Variants in SLC4A8 observed in about 807,000 individuals in gnomAD.
SLC4A8 encodes the protein solute carrier family 4 member 8.
A neutral mutation model predicts 125.0 loss-of-function variants in SLC4A8; 40 were observed. The ratio of observed to expected loss-of-function variants is 0.32; its 90% CI spans 0.25 to 0.42. The LOEUF is 0.42. Ranked by LOEUF, SLC4A8 falls within the 10% of genes least tolerant of loss-of-function variation. The pLI is 1.00. For missense variants in SLC4A8, 863 were observed against 1,355.1 expected, an observed-to-expected ratio of 0.64 and a Z score of 5.70; for synonymous variants, 456 against 476.0, an observed-to-expected ratio of 0.96 and a Z score of 0.55.
At position 51,473,283 on chromosome 12, in the gene SLC4A8, A is replaced by G. The variant is rs547733156; in HGVS notation, c.1905-1059A>G. ...ATAGTTTTGAATTTTCCAGAATATC[A>G]TAGTTGGAATCATACAGTACGTAGC... On this transcript the variant is annotated intron_variant, in intron 14 of 24. Coordinates refer to ENST00000453097, the MANE Select transcript of SLC4A8 (RefSeq NM_001039960.3). Among the ~76,000 whole-genome samples the G allele has an allele frequency of 1.1e-4, 17 of 152,298 alleles. No homozygotes were observed. In the South Asian group the frequency reaches 3.5e-3, roughly 32 times the overall value.
At chr12:51,448,135 A>G (rs536031347) in intron 2 of SLC4A8, among the ~76,000 whole-genome samples, 7 of 152,194 alleles carry the variant, frequency 4.6e-5, no homozygotes, top group Middle Eastern at 3.2e-3. Context: ...TAAAAAGGAG[A>G]TTGAGTACTG....
chr12:51,401,138 C>T (rs902645986), intron 1 of SLC4A8, among the ~76,000 whole-genome samples: 3 of 152,030 alleles, frequency 2.0e-5, no homozygotes, highest in Admixed American at 2.0e-4. Context: ...TGAGACGGAG[C>T]GTTCCTCTGT....
At chr12:51,488,282 G>A (rs1951213040) in intron 17 of SLC4A8, among the ~76,000 whole-genome samples, 1 of 152,168 alleles carries the variant, frequency 6.6e-6, no homozygotes, top group Admixed American at 6.5e-5. Context: ...CTGTCTCCCT[G>A]CACTGGCTTT....
In SLC4A8 at chr12:51,408,289, G is replaced by T. The variant is rs185046350; in HGVS notation, c.-112+16801G>T. 3.4e-3 allele frequency among the ~76,000 whole-genome samples: 511 copies of T among 152,302 alleles called. 4 individuals are homozygous for T. Among genetic ancestry groups the T allele is most frequent in the African/African-American group, 0.011 (461 of 41,558 alleles). ...CTGTCATCCAGGCTGGAGTGCAGTG[G>T]CACGATCTTGGCTTACTGCAACCTC... On this transcript the variant is annotated intron_variant, in intron 1 of 24. Transcript: ENST00000358657.
At chr12:51,393,295 A>G (rs540897356) in intron 1 of SLC4A8, among the ~76,000 whole-genome samples, 13 of 152,100 alleles carry the variant, frequency 8.5e-5, no homozygotes, top group African/African-American at 3.1e-4. Flanking sequence ...GAGTTTCGCC[A>G]TGTTGCCCAG....
intron 1 of SLC4A8, among the ~76,000 whole-genome samples, chr12:51,400,204 C>T (rs1291894148): frequency 6.6e-6 from 1 of 152,170 alleles, no homozygotes; most frequent in Non-Finnish European, 1.5e-5. Flanking sequence ...GGAGGAAAGA[C>T]TGCAAAGGAA....
At chr12:51,474,237 A>C in intron 14 of SLC4A8, 105 bp from the exon 15 acceptor site, 1 of 657,506 alleles carries the variant, frequency 1.5e-6, no homozygotes, top group South Asian at 2.3e-5. Flanking sequence ...GTATGCAAAG[A>C]AGCAGCAAGG....
chr12:51,424,534 C>T (rs1948893150), upstream of SLC4A8: 1 of 158,528 alleles, frequency 6.3e-6, no homozygotes. Context: ...TAAACATCAT[C>T]TCCCAAGGAA....
At position 51,512,977 on chromosome 12, in the gene SLC4A8, C is replaced by G. The variant is rs1188817068; in HGVS notation, c.*5539C>G. Reference sequence around the variant, plus strand: ...GGGAAGTGGTGCACCTCTTTTATAACAATGGGAGATTTCAGAAACAGTTTG... The same window carrying G: ...GGGAAGTGGTGCACCTCTTTTATAAGAATGGGAGATTTCAGAAACAGTTTG... On this transcript the variant is annotated 3_prime_UTR_variant, in exon 25 of 25. Transcript: ENST00000453097. 6.6e-6 allele frequency: 1 copy of G among 152,150 alleles called. No homozygotes were observed. Among genetic ancestry groups the G allele is most frequent in the Non-Finnish European group, 1.5e-5 (1 of 68,044 alleles). The allele number at this position is 152,150 out of a possible 1,614,324, so 9.4% of individuals were successfully genotyped here.
intron 1 of SLC4A8, among the ~76,000 whole-genome samples, chr12:51,415,132 T>C (rs1948660599): frequency 6.6e-6 from 1 of 152,110 alleles, no homozygotes; most frequent in Admixed American, 6.6e-5. Context: ...TGTTGTTATA[T>C]CCTTGTCTAT....
intron 22 of SLC4A8, among the ~76,000 whole-genome samples, chr12:51,498,310 T>G (rs1937660674): frequency 6.6e-6 from 1 of 152,012 alleles, no homozygotes; most frequent in African/African-American, 2.4e-5. Context: ...AAGAATAATA[T>G]GAAATTGAAA....
chr12:51,484,781 T>A (rs1478337076), intron 16 of SLC4A8, among the ~76,000 whole-genome samples: 1 of 152,098 alleles, frequency 6.6e-6, no homozygotes, highest in Non-Finnish European at 1.5e-5. Flanking sequence ...GATGGGAATC[T>A]CCAACAAAAT....
At chr12:51,426,935 TC>T (rs1348896854) in intron 1 of SLC4A8, among the ~76,000 whole-genome samples, 2 of 149,948 alleles carry the variant, frequency 1.3e-5, no homozygotes, top group Non-Finnish European at 3.0e-5. Flanking sequence ...CTTTTTTTTT[TC>T]TTTTCTTTTT....
chr12:51,514,246 A>G lies in SLC4A8; in HGVS notation c.*6808A>G, dbSNP rs1938460317. 6.6e-6 allele frequency: 1 copy of G among 152,642 alleles called. No individual in the cohort carries two copies. The highest frequency in any genetic ancestry group is 6.5e-5 in the Admixed American group (1 of 15,290). The allele number at this position is 152,642 out of a possible 1,614,324, so 9.5% of individuals were successfully genotyped here. On this transcript the variant is annotated 3_prime_UTR_variant, in exon 25 of 25. Transcript: ENST00000453097. ...TTCTCAGGTTTCCAAGCCACATCCT[A>G]GCAGGGCATCCAGGAGCCTTGCACT... is the stretch of plus-strand genomic sequence containing the variant.
intron 1 of SLC4A8, among the ~76,000 whole-genome samples, chr12:51,432,328 A>G (rs1949216533): frequency 6.7e-6 from 1 of 149,708 alleles, no homozygotes; most frequent in Non-Finnish European, 1.5e-5. Context: ...GGAGAATGGC[A>G]TGAACCTGGG....
At chr12:51,490,973 G>C (rs1193487528) in intron 19 of SLC4A8, among the ~76,000 whole-genome samples, 2 of 152,194 alleles carry the variant, frequency 1.3e-5, no homozygotes, top group Admixed American at 6.5e-5. Context: ...AGATAAAAAC[G>C]CATGGCTTCT....
rs781029037 is a variant in SLC4A8 at position 51,457,402 on chromosome 12, G to T, written c.626G>T (p.Arg209Met). 1.2e-6 allele frequency: 2 copies of T among 1,614,010 alleles called. No homozygotes were observed. The highest frequency in any genetic ancestry group is 3.3e-5 in the Admixed American group (2 of 60,020). Residue 209 changes from arginine (R) to methionine (M), a missense_variant, in exon 6 of 25, where the codon AGG becomes ATG. Arg to Met is a moderately conservative substitution (Grantham distance 91). Coordinates refer to ENST00000453097, the MANE Select transcript of SLC4A8 (RefSeq NM_001039960.3). The stretch of plus-strand genomic sequence containing the variant: ...TCCAGTGACCTGAATGACAGCATGA[G>T]GGTTAAAGTGCGGGAAGCCCTTCTC... ...ELSSDLNDSM[R>M]VKVREALLKK...
intron 12 of SLC4A8, 37 bp downstream of exon 12, chr12:51,469,825 A>C: frequency 6.2e-7 from 1 of 1,602,808 alleles, no homozygotes; most frequent in Non-Finnish European, 8.5e-7. Flanking sequence ...ATCCCAAACA[A>C]GACCTAAAAT....
Position 51,512,661 on chromosome 12 carries a change from A to T in SLC4A8, c.*5223A>T, listed in dbSNP as rs776083398. 3 of 152,118 alleles carry T rather than the reference A, an allele frequency of 2.0e-5. No homozygotes were observed. The highest frequency in any genetic ancestry group is 7.3e-5 in the African/African-American group (3 of 41,350). The allele number at this position is 152,118 out of a possible 1,614,324, so 9.4% of individuals were successfully genotyped here. On this transcript the variant is annotated 3_prime_UTR_variant, in exon 25 of 25. Transcript: ENST00000453097. ...TGTGTGTGGGTGTGGGTGTGTGTGC[A>T]TGCGTGTGCATTTGCATGTGTGTAT...
Sources: allele counts gnomAD v4.1 joint callset (sites outside exome capture counted in the v4.1 genomes callset), GRCh38; gene constraint gnomAD v4.1.1; transcripts MANE v1.5; gene names NCBI Gene and HGNC (gene_info 2026-07-23, HGNC 2026-07-21).